The following EPHB1 variants were observed in gnomAD, a reference collection of about 807,000 sequenced individuals.
EPHB1 encodes the protein ephrin type-B receptor 1.
In EPHB1, 30 loss-of-function variants were observed where a neutral mutation model predicts 94.4. That is an observed-to-expected ratio of 0.32 (90% CI 0.24 to 0.43). EPHB1 has a LOEUF of 0.43. Ranked by LOEUF, EPHB1 falls within the 20% of genes least tolerant of loss-of-function variation. The pLI, the probability that EPHB1 is intolerant of heterozygous loss-of-function variation, is 1.00. For synonymous variants in EPHB1, 522 were observed against 489.1 expected (o/e 1.07, Z -0.89); for missense variants, 1,055 against 1,308.3 (o/e 0.81, Z 2.99).
chr3:135,209,088 T>G (rs1942971475), intron 12 of EPHB1, among the ~76,000 whole-genome samples: 1 of 152,178 alleles, frequency 6.6e-6, no homozygotes, highest in Non-Finnish European at 1.5e-5. Context: ...TATAATCTAC[T>G]GAATAAGATG....
intron 3 of EPHB1, among the ~76,000 whole-genome samples, chr3:134,980,003 G>A (rs892949238): frequency 2.6e-5 from 4 of 152,210 alleles, no homozygotes; most frequent in Admixed American, 2.6e-4. Context: ...TGGAAAGATT[G>A]TGTTTTTATT....
At chr3:135,150,008 A>C (rs1941144174) in intron 5 of EPHB1, among the ~76,000 whole-genome samples, 1 of 152,220 alleles carries the variant, frequency 6.6e-6, no homozygotes, top group Non-Finnish European at 1.5e-5. Context: ...ACAGAAGTGC[A>C]GGGCTGTGAC....
intron 11 of EPHB1, among the ~76,000 whole-genome samples, chr3:135,198,011 G>A (rs993313615): frequency 1.3e-5 from 2 of 152,174 alleles, no homozygotes; most frequent in African/African-American, 4.8e-5. Flanking sequence ...TTGATATGTG[G>A]TTCTCTTGAA....
At chr3:135,133,930 G>A (rs945263249) in intron 5 of EPHB1, among the ~76,000 whole-genome samples, 5 of 152,218 alleles carry the variant, frequency 3.3e-5, no homozygotes, top group Admixed American at 3.3e-4. Flanking sequence ...TAGACACAGT[G>A]AAGGATGCAG....
At chr3:135,052,085 G>A (rs959464638) in intron 3 of EPHB1, among the ~76,000 whole-genome samples, 3 of 152,204 alleles carry the variant, frequency 2.0e-5, no homozygotes, top group African/African-American at 7.2e-5. Context: ...TCCTAGGAAA[G>A]CAAGATTTGG....
intron 9 of EPHB1, among the ~76,000 whole-genome samples, chr3:135,177,157 G>A (rs1209403492): frequency 1.2e-4 from 18 of 152,316 alleles, no homozygotes; most frequent in South Asian, 2.1e-4. Context: ...CTCATAGGCA[G>A]AGGAGAAAAC....
At chr3:134,936,673 G>C (rs1455835571) in intron 2 of EPHB1, among the ~76,000 whole-genome samples, 1 of 152,192 alleles carries the variant, frequency 6.6e-6, no homozygotes, top group Admixed American at 6.5e-5. Flanking sequence ...TGTCCCACTT[G>C]TTGCTCTTTC....
At chr3:135,053,931 G>A (rs967034189) in intron 3 of EPHB1, among the ~76,000 whole-genome samples, 1 of 151,928 alleles carries the variant, frequency 6.6e-6, no homozygotes, top group Admixed American at 6.6e-5. Flanking sequence ...GTTCAAGGCC[G>A]CAGTAAGCTA....
intron 3 of EPHB1, among the ~76,000 whole-genome samples, chr3:134,980,297 G>T (rs1311788356): frequency 6.6e-6 from 1 of 152,056 alleles, no homozygotes; most frequent in Non-Finnish European, 1.5e-5. Flanking sequence ...TTCTTATGTG[G>T]TGCTTCAGGA....
chr3:134,889,112 T>C (rs541843084), intron 1 of EPHB1, among the ~76,000 whole-genome samples: 5 of 152,184 alleles, frequency 3.3e-5, no homozygotes, highest in African/African-American at 1.2e-4. Flanking sequence ...TGAGCAGATA[T>C]GATTCACATG....
intron 3 of EPHB1, among the ~76,000 whole-genome samples, chr3:135,007,240 C>T (rs750094833): frequency 6.6e-6 from 1 of 152,158 alleles, no homozygotes; most frequent in Non-Finnish European, 1.5e-5. Context: ...CTAGACACTC[C>T]CTTACCTCCC....
chr3:135,250,716 TAC>T (rs1431991692), intron 15 of EPHB1, among the ~76,000 whole-genome samples: 1 of 151,894 alleles, frequency 6.6e-6, no homozygotes, highest in Non-Finnish European at 1.5e-5. Flanking sequence ...CACACACACA[TAC>T]ACACACACCG....
At chr3:135,115,275 C>G (rs1463388075) in intron 4 of EPHB1, among the ~76,000 whole-genome samples, 1 of 152,162 alleles carries the variant, frequency 6.6e-6, no homozygotes, top group African/African-American at 2.4e-5. Context: ...GTCTTGGTGT[C>G]AAATTTATAG....
chr3:134,964,675 T>A (rs534590002), intron 3 of EPHB1, among the ~76,000 whole-genome samples: 2 of 152,358 alleles, frequency 1.3e-5, no homozygotes, highest in South Asian at 4.1e-4. Flanking sequence ...CCTTGTGACT[T>A]CAGGCTTTGC....
intron 1 of EPHB1, among the ~76,000 whole-genome samples, chr3:134,802,918 T>C (rs754615925): frequency 6.6e-6 from 1 of 152,168 alleles, no homozygotes; most frequent in Non-Finnish European, 1.5e-5. Flanking sequence ...TACACTATAA[T>C]GACCCTGCTG....
At chr3:134,932,764 A>G (rs979128647) in intron 2 of EPHB1, among the ~76,000 whole-genome samples, 1 of 152,216 alleles carries the variant, frequency 6.6e-6, no homozygotes, top group African/African-American at 2.4e-5. Context: ...AATCATGCTT[A>G]TTAAGACAGA....
chr3:135,201,507 G>A lies in EPHB1; in HGVS notation c.2164G>A (p.Val722Met), dbSNP rs1684503431. The stretch of plus-strand genomic sequence containing the variant: ...CGGGCAGTTCACCGTGATCCAGCTT[G>A]TGGGTATGCTCAGGGGCATCGCTGC... ...NDGQFTVIQL[V>M]GMLRGIAAGM... The change falls in exon 12 of 16, where the codon GTG becomes ATG. Residue 722 changes from valine to methionine, a missense_variant. Val to Met is a conservative substitution (Grantham distance 21). Coordinates refer to ENST00000398015, the MANE Select transcript of EPHB1 (RefSeq NM_004441.5). The A allele has an allele frequency of 1.2e-6, 2 of 1,614,060 alleles. No individual in the cohort carries two copies. The highest frequency in any genetic ancestry group is 8.5e-7 in the Non-Finnish European group (1 of 1,179,992).
chr3:135,240,366 G>A lies in EPHB1; in HGVS notation c.2347-782G>A, dbSNP rs1379479176. Among the ~76,000 whole-genome samples the A allele has an allele frequency of 6.6e-5, 10 of 152,202 alleles. No individual in the cohort carries two copies. In the East Asian group the frequency reaches 1.7e-3, roughly 26 times the overall value. The stretch of plus-strand genomic sequence containing the variant: ...TGAATCCCTTAGGTAAACAAAACTG[G>A]CTAAGGTCTGGCAGACAAGCTGAGG... On this transcript the variant is annotated intron_variant, in intron 12 of 15. Transcript: ENST00000398015.
At chr3:135,146,730 C>T (rs1288035525) in intron 5 of EPHB1, among the ~76,000 whole-genome samples, 1 of 152,174 alleles carries the variant, frequency 6.6e-6, no homozygotes, top group Non-Finnish European at 1.5e-5. Context: ...ATGGCTTGGT[C>T]GACATATTTA....
Sources: allele counts gnomAD v4.1 joint callset (sites outside exome capture counted in the v4.1 genomes callset), GRCh38; gene constraint gnomAD v4.1.1; transcripts MANE v1.5; gene names NCBI Gene and HGNC (gene_info 2026-07-23, HGNC 2026-07-21).